FAM13C: variants seen among roughly 807,000 people sequenced by gnomAD.
FAM13C encodes the protein protein FAM13C.
FAM13C carries 37 observed loss-of-function variants against 73.2 expected under a neutral mutation model. The ratio of observed to expected loss-of-function variants is 0.51; its 90% CI spans 0.39 to 0.67. FAM13C has a LOEUF of 0.67. Ranked by LOEUF, FAM13C falls within the 30% of genes least tolerant of loss-of-function variation. The probability of loss-of-function intolerance (pLI) is 0.00; values close to 1 mark genes in which losing one functional copy is unlikely to be tolerated. For synonymous variants in FAM13C, 246 were observed against 260.9 expected (o/e 0.94, Z 0.55); for missense variants, 589 against 715.6 (o/e 0.82, Z 2.02).
rs148715812 is a variant in FAM13C, at chr10:59,293,069, C to CTTTTT, written c.508-9627_508-9623dup. On this transcript the variant is annotated intron_variant, in intron 5 of 13. Coordinates refer to ENST00000618804, the MANE Select transcript of FAM13C (RefSeq NM_198215.4). ...TCTGAGATCAACATTTTTTCTTTTT[C>CTTTTT]TTTTTTTTTTTTTTTTTTTTTTGAG... 2.2e-3 allele frequency among the ~76,000 whole-genome samples: 242 copies of CTTTTT among 109,506 alleles called. 1 individual carries two copies. The highest frequency in any genetic ancestry group is 4.0e-3 in the African/African-American group (102 of 25,486). 71.8% of individuals were successfully genotyped at this position (109,506 alleles called of 152,430 possible). A position where few individuals can be genotyped will look rare whatever the true frequency, so the allele number is the denominator to read the frequency against.
At position 59,326,144 on chromosome 10, in the gene FAM13C, G is replaced by A. The variant is rs138099995; in HGVS notation, c.325-2038C>T. 3.3e-5 allele frequency among the ~76,000 whole-genome samples: 5 copies of A among 152,148 alleles called. No individual in the cohort carries two copies. The East Asian group carries it at 9.7e-4, about 30-fold the overall frequency. ...TGTTGGATTCCCTTGGCCCTAGGAT[G>A]TATCTTAGATATGAATAACAAGAAC... On this transcript the variant is annotated intron_variant, in intron 3 of 13. Coordinates refer to ENST00000618804, the MANE Select transcript of FAM13C (RefSeq NM_198215.4).
At chr10:59,354,243 G>T (rs1855424525) in intron 2 of FAM13C, among the ~76,000 whole-genome samples, 1 of 152,078 alleles carries the variant, frequency 6.6e-6, no homozygotes, top group African/African-American at 2.4e-5. Context: ...GTGTAATTTT[G>T]TTTACTTCCT....
chr10:59,273,653 A>C (rs1193635163), intron 6 of FAM13C, among the ~76,000 whole-genome samples: 1 of 152,098 alleles, frequency 6.6e-6, no homozygotes, highest in East Asian at 1.9e-4. Flanking sequence ...GGCTATCTCC[A>C]TTCAGGGAGA....
chr10:59,337,248 C>T (rs1852836508), intron 3 of FAM13C, among the ~76,000 whole-genome samples: 1 of 152,234 alleles, frequency 6.6e-6, no homozygotes, highest in Non-Finnish European at 1.5e-5. Flanking sequence ...GAGGCATTCT[C>T]CCTGAGCAAA....
At chr10:59,331,223 C>A (rs1851925110) in intron 3 of FAM13C, among the ~76,000 whole-genome samples, 2 of 152,166 alleles carry the variant, frequency 1.3e-5, no homozygotes, top group African/African-American at 4.8e-5. Context: ...AGGATAAGGA[C>A]AAAGTGTGTG....
chr10:59,298,064 C>T (rs1222573990), intron 5 of FAM13C, among the ~76,000 whole-genome samples: 1 of 152,254 alleles, frequency 6.6e-6, no homozygotes, highest in Non-Finnish European at 1.5e-5. Flanking sequence ...TTAGCATCTG[C>T]TTCTTTGTGC....
intron 5 of FAM13C, among the ~76,000 whole-genome samples, chr10:59,285,921 A>C (rs1423216229): frequency 6.6e-6 from 1 of 151,932 alleles, no homozygotes; most frequent in Non-Finnish European, 1.5e-5. Flanking sequence ...AGTCTTCAGG[A>C]CTGTGAAAAA....
intron 3 of FAM13C, among the ~76,000 whole-genome samples, chr10:59,328,224 C>T (rs1021716010): frequency 6.6e-6 from 1 of 152,144 alleles, no homozygotes; most frequent in Non-Finnish European, 1.5e-5. Context: ...TTTATCTCAT[C>T]CAGGTACAGA....
intron 1 of FAM13C, among the ~76,000 whole-genome samples, 157 bp from the exon 2 acceptor site, chr10:59,356,100 A>T (rs1028947853): frequency 6.6e-6 from 1 of 152,172 alleles, no homozygotes; most frequent in Non-Finnish European, 1.5e-5. Flanking sequence ...TATGTCTCCC[A>T]GTTTATGATG....
At chr10:59,343,954 T>TC (rs1317652185) in intron 3 of FAM13C, among the ~76,000 whole-genome samples, 5 of 150,792 alleles carry the variant, frequency 3.3e-5, no homozygotes, top group South Asian at 2.1e-4. Flanking sequence ...TATTTCTTTT[T>TC]TTTTTTCTTT....
intron 4 of FAM13C, among the ~76,000 whole-genome samples, chr10:59,323,624 G>A (rs1850661670): frequency 6.6e-6 from 1 of 152,118 alleles, no homozygotes; most frequent in Non-Finnish European, 1.5e-5. Context: ...TTGCTATGGT[G>A]CCTACATGGT....
At chr10:59,251,325 T>TA in intron 13 of FAM13C, 1 of 457,576 alleles carries the variant, frequency 2.2e-6, no homozygotes, top group Admixed American at 4.0e-5. Context: ...TGTGCAAAGT[T>TA]AGAGATTTTT....
chr10:59,319,723 G>C (rs1849970768), intron 4 of FAM13C, among the ~76,000 whole-genome samples: 1 of 152,144 alleles, frequency 6.6e-6, no homozygotes, highest in East Asian at 1.9e-4. Flanking sequence ...CAGCCTCACT[G>C]GGTGTCAAAG....
chr10:59,271,053 A>G (rs1843666350), intron 6 of FAM13C, among the ~76,000 whole-genome samples: 1 of 152,150 alleles, frequency 6.6e-6, no homozygotes, highest in Admixed American at 6.6e-5. Context: ...AAACTGAGTC[A>G]GGGGGCCAGA....
At chr10:59,327,950 A>C (rs1425185291) in intron 3 of FAM13C, among the ~76,000 whole-genome samples, 1 of 152,192 alleles carries the variant, frequency 6.6e-6, no homozygotes, top group African/African-American at 2.4e-5. Context: ...TGAGGGAAGA[A>C]GCCAAAATCC....
At chr10:59,315,583 A>C (rs990685329) in intron 4 of FAM13C, among the ~76,000 whole-genome samples, 10 of 152,202 alleles carry the variant, frequency 6.6e-5, no homozygotes, top group Admixed American at 1.3e-4. Flanking sequence ...CAAAGGTGTC[A>C]GAGTCCCTGA....
intron 1 of FAM13C, among the ~76,000 whole-genome samples, chr10:59,359,272 A>C (rs763977753): frequency 2.6e-5 from 4 of 152,214 alleles, no homozygotes; most frequent in African/African-American, 2.4e-5. Flanking sequence ...CTGCTCCACC[A>C]CATTAAGCCC....
At chr10:59,310,534 T>G (rs1848799162) in intron 4 of FAM13C, among the ~76,000 whole-genome samples, 1 of 151,982 alleles carries the variant, frequency 6.6e-6, no homozygotes, top group Non-Finnish European at 1.5e-5. Flanking sequence ...GCTAAAGGAC[T>G]GAGGTCAAAT....
intron 13 of FAM13C, among the ~76,000 whole-genome samples, chr10:59,249,408 GA>G (rs71006241): frequency 0.016 from 1,627 of 99,152 alleles, 28 homozygotes; most frequent in African/African-American, 0.054. Context: ...CGTCTCAAAA[GA>G]AAAAAAAAAA....
Sources: gnomAD v4.1 joint callset for allele counts (sites outside exome capture counted in the v4.1 genomes callset) on GRCh38, gnomAD v4.1.1 for gene constraint, MANE v1.5 for transcripts, NCBI Gene and HGNC (gene_info 2026-07-23, HGNC 2026-07-21) for gene names.